The following ITIH2 variants were observed in gnomAD, a reference collection of about 807,000 sequenced individuals.
The protein encoded by ITIH2 is inter-alpha-trypsin inhibitor heavy chain H2.
Under a neutral mutation model 104.4 loss-of-function variants are expected in ITIH2, and 103 were observed. The observed-to-expected ratio is 0.99, with a 90% CI of 0.84 to 1.16. The LOEUF is 1.16. Among genes scored for constraint, ITIH2 ranks in the 50% most tolerant of loss-of-function variants. The pLI is 0.00. For missense variants in ITIH2, 1,108 were observed against 1,162.4 expected, an observed-to-expected ratio of 0.95 and a Z score of 0.68; for synonymous variants, 436 against 435.4, an observed-to-expected ratio of 1.00 and a Z score of -0.02.
intron 6 of ITIH2, among the ~76,000 whole-genome samples, chr10:7,718,415 G>A (rs181342276): frequency 1.3e-5 from 2 of 152,166 alleles, no homozygotes; most frequent in Admixed American, 6.5e-5. Context: ...CATCTTTAGG[G>A]GGGGAGGCCA....
rs750591551 is a variant in ITIH2 at position 7,721,812 on chromosome 10, C to T, written c.867+35C>T. 18 of 1,609,498 alleles carry T rather than the reference C, an allele frequency of 1.1e-5. No homozygotes were observed. The South Asian group carries it at 1.9e-4, about 17-fold the overall frequency. Reference sequence around the variant, plus strand: ...CACCGGCTCTGGTTCTACTGCCAAGCTCGTGCCAAAGAGCTGCTCCTTTTT... The same window carrying T: ...CACCGGCTCTGGTTCTACTGCCAAGTTCGTGCCAAAGAGCTGCTCCTTTTT... On this transcript the variant is annotated intron_variant, in intron 8 of 20. Transcript: ENST00000358415.
chr10:7,721,611 G>T (rs1207102381), intron 7 of ITIH2, 38 bp from the exon 8 acceptor site: 3 of 1,600,648 alleles, frequency 1.9e-6, no homozygotes. Flanking sequence ...CTGGGAAGGG[G>T]CTAGAGGCAG....
intron 16 of ITIH2, among the ~76,000 whole-genome samples, chr10:7,740,875 G>C (rs1419372924): frequency 6.6e-6 from 1 of 152,272 alleles, no homozygotes; most frequent in African/African-American, 2.4e-5. Context: ...TCAGGTGCTA[G>C]GAATCTATAA....
At chr10:7,713,508 A>G (rs1347433282) in intron 5 of ITIH2, 2 of 470,384 alleles carry the variant, frequency 4.3e-6, no homozygotes, top group East Asian at 3.3e-5. Flanking sequence ...TTGTGCTTAC[A>G]TCACTGTCTT....
chr10:7,723,988 A>G (rs1179380494), intron 9 of ITIH2, among the ~76,000 whole-genome samples: 1 of 152,230 alleles, frequency 6.6e-6, no homozygotes, highest in African/African-American at 2.4e-5. Context: ...CATTGTCCAC[A>G]TATGACTATT....
chr10:7,720,241 CA>C (rs1024661420), intron 6 of ITIH2, among the ~76,000 whole-genome samples: 6 of 152,134 alleles, frequency 3.9e-5, no homozygotes, highest in African/African-American at 1.2e-4. Flanking sequence ...CATCCCTGTG[CA>C]ATATATTCAT....
intron 6 of ITIH2, among the ~76,000 whole-genome samples, chr10:7,718,319 A>T (rs1033945284): frequency 7.9e-5 from 12 of 152,114 alleles, no homozygotes; most frequent in Admixed American, 5.2e-4. Context: ...GTAGTACAGG[A>T]TGATCTCAAC....
intron 6 of ITIH2, among the ~76,000 whole-genome samples, chr10:7,719,066 C>A (rs886695790): frequency 6.6e-6 from 1 of 152,198 alleles, no homozygotes; most frequent in African/African-American, 2.4e-5. Flanking sequence ...GGCCAACATG[C>A]CCCTCCCCCG....
intron 15 of ITIH2, among the ~76,000 whole-genome samples, chr10:7,737,671 T>A (rs62651617): frequency 4.5e-4 from 13 of 29,028 alleles, no homozygotes; most frequent in South Asian, 2.7e-3. Flanking sequence ...TATATTATAT[T>A]CTATATTTTC....
Position 7,731,954 on chromosome 10 carries a change from T to C in ITIH2, c.1605T>C (p.Pro535=). 6.2e-7 allele frequency: 1 copy of C among 1,613,966 alleles called. No homozygotes were observed. Among genetic ancestry groups the C allele is most frequent in the Non-Finnish European group, 8.5e-7 (1 of 1,179,938 alleles). The change falls in exon 13 of 21, where the codon CCT becomes CCC. Residue 535 remains proline, a synonymous_variant. Transcript: ENST00000358415. ...TTGTGGTGGCAGGAAAATTTGACCC[T>C]GCTAAATTGGATCAAATAGAGAGCG... ...SEIVVAGKFD[P]AKLDQIESVI... is the part of the protein sequence containing the mutation.
In ITIH2 at chr10:7,735,103, A is replaced by T; in HGVS notation, c.1957+12A>T. ...CTCCTGCTGCTCAGGTCAGGGCTGC[A>T]CCTGTGGGGACAAGTGGCCAGGCAG... On this transcript the variant is annotated intron_variant, in intron 15 of 20. Transcript: ENST00000358415. The T allele has an allele frequency of 6.3e-7, 1 of 1,594,492 alleles. No individual in the cohort carries two copies. Among genetic ancestry groups the T allele is most frequent in the Non-Finnish European group, 8.5e-7 (1 of 1,174,054 alleles).
intron 2 of ITIH2, among the ~76,000 whole-genome samples, chr10:7,705,466 G>A (rs574265388): frequency 2.0e-5 from 3 of 152,250 alleles, no homozygotes; most frequent in South Asian, 4.2e-4. Flanking sequence ...AGCATTTTCA[G>A]AGGCCAAGGA....
intron 12 of ITIH2, among the ~76,000 whole-genome samples, chr10:7,731,290 A>G (rs1163430486): frequency 2.0e-5 from 3 of 152,184 alleles, no homozygotes; most frequent in Admixed American, 6.5e-5. Context: ...AAAAAATGCC[A>G]GGCTCTTAAA....
At chr10:7,736,886 T>C (rs11815723) in intron 15 of ITIH2, among the ~76,000 whole-genome samples, 6,174 of 152,240 alleles carry the variant, frequency 0.041, 471 homozygotes, top group African/African-American at 0.14. Context: ...TCTGGTTATA[T>C]TCAGTTACTC....
intron 17 of ITIH2, among the ~76,000 whole-genome samples, chr10:7,743,879 T>A (rs1835150097): frequency 6.6e-6 from 1 of 151,972 alleles, no homozygotes; most frequent in Admixed American, 6.6e-5. Context: ...AATTATTAAA[T>A]TAAATTTTAT....
At chr10:7,747,151 T>C (rs1014089296) in intron 20 of ITIH2, among the ~76,000 whole-genome samples, 3 of 152,206 alleles carry the variant, frequency 2.0e-5, no homozygotes, top group African/African-American at 7.2e-5. Flanking sequence ...CCCCATATGC[T>C]TCATCTGAAG....
At chr10:7,728,613 C>G (rs1458004811) in intron 11 of ITIH2, among the ~76,000 whole-genome samples, 1 of 151,482 alleles carries the variant, frequency 6.6e-6, no homozygotes. Flanking sequence ...TCAGGCTGAT[C>G]TCAAAATCCT....
intron 10 of ITIH2, among the ~76,000 whole-genome samples, chr10:7,727,367 A>G (rs1393901971): frequency 6.6e-6 from 1 of 152,220 alleles, no homozygotes; most frequent in Admixed American, 6.5e-5. Flanking sequence ...GGCCTTCTTT[A>G]TTGCCTGCAT....
At chr10:7,741,352 G>C (rs527677507) in intron 16 of ITIH2, among the ~76,000 whole-genome samples, 1 of 151,900 alleles carries the variant, frequency 6.6e-6, no homozygotes, top group African/African-American at 2.4e-5. Context: ...CTAATTTTTT[G>C]TATTTTTAGT....
Sources: gnomAD v4.1 joint callset for allele counts (sites outside exome capture counted in the v4.1 genomes callset) on GRCh38, gnomAD v4.1.1 for gene constraint, MANE v1.5 for transcripts, NCBI Gene and HGNC (gene_info 2026-07-23, HGNC 2026-07-21) for gene names.